Variants in LRCH1 observed in about 807,000 individuals in gnomAD.
LRCH1 encodes the protein leucine-rich repeat and calponin homology domain-containing protein 1.
In LRCH1, 23 loss-of-function variants were observed where a neutral mutation model predicts 94.9. That is an observed-to-expected ratio of 0.24 (90% CI 0.17 to 0.34). The LOEUF is 0.34. Among genes scored for constraint, LRCH1 ranks in the 10% least tolerant of loss-of-function variants. The pLI is 1.00. For synonymous variants in LRCH1, 364 were observed against 354.9 expected, an observed-to-expected ratio of 1.03 and a Z score of -0.29; for missense variants, 790 against 945.9, an observed-to-expected ratio of 0.84 and a Z score of 2.16.
chr13:46,713,489 A>G (rs935342815), intron 15 of LRCH1, among the ~76,000 whole-genome samples: 3 of 152,236 alleles, frequency 2.0e-5, no homozygotes, highest in Non-Finnish European at 4.4e-5. Context: ...AAAAACAAAG[A>G]TGATTCTTTA....
intron 1 of LRCH1, among the ~76,000 whole-genome samples, chr13:46,596,349 T>G (rs2050563018): frequency 2.0e-5 from 3 of 152,208 alleles, no homozygotes; most frequent in Admixed American, 2.0e-4. Context: ...TACAGTCTGA[T>G]CATGACTATA....
chr13:46,713,450 T>C (rs1298140476), intron 15 of LRCH1, among the ~76,000 whole-genome samples: 1 of 152,220 alleles, frequency 6.6e-6, no homozygotes, highest in African/African-American at 2.4e-5. Context: ...GTTATACATG[T>C]GTATATTTTG....
rs531569545 is a variant in LRCH1, at chr13:46,694,769, C to T, written c.1121-124C>T. 51 of 1,050,632 alleles carry T rather than the reference C, an allele frequency of 4.9e-5. No homozygotes were observed. The East Asian group carries it at 1.2e-3, about 24-fold the overall frequency. The allele number at this position is 1,050,632 out of a possible 1,614,324, so 65.1% of individuals were successfully genotyped here. ...CAGGGAAGAGAAAACTTGGGTTTTT[C>T]ATATACCTTCTTCATAGGGAACACA... is the stretch of plus-strand genomic sequence containing the variant. On this transcript the variant is annotated intron_variant, in intron 8 of 19. Coordinates refer to ENST00000389797, the MANE Select transcript of LRCH1 (RefSeq NM_001164211.2).
intron 11 of LRCH1, among the ~76,000 whole-genome samples, chr13:46,704,387 T>G (rs936660507): frequency 4.6e-5 from 7 of 152,112 alleles, no homozygotes; most frequent in African/African-American, 1.7e-4. Flanking sequence ...ATCAGAAAAT[T>G]TAGTTGGCTA....
chr13:46,596,698 T>C (rs533991697), intron 1 of LRCH1, among the ~76,000 whole-genome samples: 2 of 152,338 alleles, frequency 1.3e-5, no homozygotes, highest in South Asian at 4.1e-4. Context: ...TTCTGGAGAC[T>C]GTGGGAAATC....
chr13:46,745,593 CCAGGG>C (rs1873878156), downstream of LRCH1, among the ~76,000 whole-genome samples: 1 of 151,962 alleles, frequency 6.6e-6, no homozygotes, highest in African/African-American at 2.4e-5. Flanking sequence ...AGTAAATAAT[CCAGGG>C]AGGAGCAACA....
intron 1 of LRCH1, among the ~76,000 whole-genome samples, chr13:46,580,785 A>G (rs1397753286): frequency 6.6e-6 from 1 of 152,192 alleles, no homozygotes; most frequent in Non-Finnish European, 1.5e-5. Context: ...AGGGATATCA[A>G]AGGGACTGAG....
chr13:46,573,866 A>ATATATTTT lies in LRCH1; in HGVS notation c.307+20164_307+20165insATATTTTT. On this transcript the variant is annotated intron_variant, in intron 1 of 19. Transcript: ENST00000389797. ...GTCAAATATATATATATATATATATATTTTTTTTTTTTTTGAGATGGAGTC... is the reference window on the plus strand; with the variant it reads ...GTCAAATATATATATATATATATATATATATTTTTTTTTTTTTTTTTTGAGATGGAGTC... Among the ~76,000 whole-genome samples, 9 of 63,382 alleles carry ATATATTTT rather than the reference A, an allele frequency of 1.4e-4. 1 individual carries two copies. Among genetic ancestry groups the ATATATTTT allele is most frequent in the East Asian group, 6.6e-4 (1 of 1,522 alleles). 41.6% of individuals were successfully genotyped at this position (63,382 alleles called of 152,430 possible).
chr13:46,649,885 C>G (rs75469715), intron 1 of LRCH1, among the ~76,000 whole-genome samples: 1 of 150,920 alleles, frequency 6.6e-6, no homozygotes, highest in Admixed American at 6.6e-5. Context: ...TATTCAGATA[C>G]GTTAAAGGAT....
At chr13:46,610,299 G>A (rs2050733567) in intron 1 of LRCH1, among the ~76,000 whole-genome samples, 1 of 152,002 alleles carries the variant, frequency 6.6e-6, no homozygotes, top group African/African-American at 2.4e-5. Context: ...TCACTGTTTT[G>A]TGTTCAAAGG....
In LRCH1 at chr13:46,684,065, A is replaced by G. The variant is rs181470996; in HGVS notation, c.686-1840A>G. On this transcript the variant is annotated intron_variant, in intron 4 of 19. Transcript: ENST00000389797. ...CACCAAAATTGTGGTCTGATTACTC[A>G]TATCAGTTTTGTGGTGGTTTTACTA... is the stretch of plus-strand genomic sequence containing the variant. 3.3e-5 allele frequency among the ~76,000 whole-genome samples: 5 copies of G among 152,334 alleles called. No homozygotes were observed. The East Asian group carries it at 9.6e-4, about 29-fold the overall frequency.
chr13:46,712,675 C>A, intron 15 of LRCH1, 78 bp downstream of exon 15: 2 of 1,252,030 alleles, frequency 1.6e-6, no homozygotes, highest in South Asian at 1.2e-5. Flanking sequence ...TATGCATTAT[C>A]AATGTGCACA....
chr13:46,592,401 A>C (rs1211240687), intron 1 of LRCH1, among the ~76,000 whole-genome samples: 1 of 152,172 alleles, frequency 6.6e-6, no homozygotes, highest in Non-Finnish European at 1.5e-5. Flanking sequence ...TCTCCTTTTC[A>C]GCCCATAATA....
At chr13:46,717,933 A>G (rs1872402762) in intron 16 of LRCH1, among the ~76,000 whole-genome samples, 1 of 152,186 alleles carries the variant, frequency 6.6e-6, no homozygotes, top group African/African-American at 2.4e-5. Flanking sequence ...TGAGTTCTCA[A>G]AGTCCCCAAA....
Position 46,670,655 on chromosome 13 carries a change from C to CCA in LRCH1, c.579+1500_579+1501insAC, listed in dbSNP as rs71866770. Among the ~76,000 whole-genome samples, 21 of 23,248 alleles carry CCA rather than the reference C, an allele frequency of 9.0e-4. No individual in the cohort carries two copies. The East Asian group carries it at 0.02, about 22-fold the overall frequency. 15.3% of individuals were successfully genotyped at this position (23,248 alleles called of 152,430 possible). On this transcript the variant is annotated intron_variant, in intron 3 of 19. Transcript: ENST00000389797. ...ATTAATTTGAGCAGACACTGCCCAT[C>CCA]CCCCCCCAACCCTGTCCCCAAAAGT...
intron 1 of LRCH1, among the ~76,000 whole-genome samples, chr13:46,648,070 A>G (rs1178222024): frequency 1.3e-5 from 2 of 152,096 alleles, no homozygotes; most frequent in African/African-American, 2.4e-5. Context: ...ATAACTCACC[A>G]TAATACAGAA....
intron 1 of LRCH1, among the ~76,000 whole-genome samples, chr13:46,636,138 C>T (rs1360276023): frequency 3.0e-5 from 4 of 135,094 alleles, no homozygotes; most frequent in Admixed American, 8.5e-5. Flanking sequence ...GGCACGATCT[C>T]GGCTCACTGT....
rs9805726 is a variant in LRCH1, at chr13:46,742,773, C to T, written c.*925C>T. Reference sequence around the variant, plus strand: ...TTCATTTTCAAATAAAGCCATGAGCCGTGGAACATTCTTGGTCCTGGTGCT... The same window carrying T: ...TTCATTTTCAAATAAAGCCATGAGCTGTGGAACATTCTTGGTCCTGGTGCT... On this transcript the variant is annotated 3_prime_UTR_variant, in exon 20 of 20. Coordinates refer to ENST00000389797, the MANE Select transcript of LRCH1 (RefSeq NM_001164211.2). 0.014 allele frequency: 13,926 copies of T among 985,286 alleles called. 1,298 individuals carry two copies. In the African/African-American group the frequency reaches 0.21, roughly 15 times the overall value. 61.0% of individuals were successfully genotyped at this position (985,286 alleles called of 1,614,324 possible).
chr13:46,718,870 C>T (rs1404238702), intron 16 of LRCH1, among the ~76,000 whole-genome samples: 1 of 152,180 alleles, frequency 6.6e-6, no homozygotes, highest in African/African-American at 2.4e-5. Flanking sequence ...GAAATCTCCT[C>T]TCATTCAGTT....
Sources: allele counts gnomAD v4.1 joint callset (sites outside exome capture counted in the v4.1 genomes callset), GRCh38; gene constraint gnomAD v4.1.1; transcripts MANE v1.5; gene names NCBI Gene and HGNC (gene_info 2026-07-23, HGNC 2026-07-21).